BTG4: variants seen among roughly 807,000 people sequenced by gnomAD.
BTG4 encodes the protein protein BTG4.
Under a neutral mutation model 19.3 loss-of-function variants are expected in BTG4, and 10 were observed. The observed-to-expected ratio is 0.52, with a 90% CI of 0.32 to 0.88. BTG4 has a LOEUF of 0.88. Ranked by LOEUF, BTG4 falls within the 40% of genes least tolerant of loss-of-function variation. The pLI, the probability that BTG4 is intolerant of heterozygous loss-of-function variation, is 0.04. For missense variants in BTG4, 238 were observed against 281.9 expected (o/e 0.84, Z 1.11); for synonymous variants, 91 against 95.7 (o/e 0.95, Z 0.29).
the BTG4 span, among the ~76,000 whole-genome samples, chr11:111,437,930 A>G: frequency 1.3e-5 from 2 of 151,854 alleles, no homozygotes; most frequent in Non-Finnish European, 2.9e-5. Flanking sequence ...CTCATCCTCA[A>G]CCCAGATCTG....
chr11:111,442,028 C>T, the BTG4 span, among the ~76,000 whole-genome samples: 134 of 152,026 alleles, frequency 8.8e-4, no homozygotes, highest in Non-Finnish European at 1.4e-3. Context: ...CAGTGTACTC[C>T]AGCCTGGGTG....
the BTG4 span, chr11:111,385,566 A>G: frequency 1.1e-4 from 17 of 152,106 alleles, no homozygotes; most frequent in East Asian, 3.3e-3. Context: ...CTAATACATC[A>G]TGATATAATA....
chr11:111,467,962 A>C (rs1863819676), intron 5 of BTG4, among the ~76,000 whole-genome samples: 1 of 152,232 alleles, frequency 6.6e-6, no homozygotes, highest in Admixed American at 6.5e-5. Flanking sequence ...AGCTTCAGAA[A>C]ATCCTGGACA....
intron 1 of BTG4, among the ~76,000 whole-genome samples, chr11:111,509,423 C>T (rs567204151): frequency 6.6e-6 from 1 of 152,192 alleles, no homozygotes; most frequent in South Asian, 2.1e-4. Context: ...GGTGCAGTGG[C>T]TCACTCCTGT....
the BTG4 span, among the ~76,000 whole-genome samples, chr11:111,387,068 T>C: frequency 1.3e-5 from 2 of 152,370 alleles, no homozygotes; most frequent in South Asian, 4.1e-4. Flanking sequence ...AACTGTTGCA[T>C]TGATAGGCTA....
intron 1 of BTG4, among the ~76,000 whole-genome samples, chr11:111,507,523 T>C (rs1866541490): frequency 6.6e-6 from 1 of 152,178 alleles, no homozygotes; most frequent in Non-Finnish European, 1.5e-5. Flanking sequence ...AATAAAGCCC[T>C]GGACAAAAAA....
At chr11:111,423,095 C>G in the BTG4 span, among the ~76,000 whole-genome samples, 2 of 152,144 alleles carry the variant, frequency 1.3e-5, no homozygotes, top group African/African-American at 4.8e-5. Flanking sequence ...CCTCAGGTTC[C>G]TCCTGCAGAA....
chr11:111,427,873 A>AT, the BTG4 span, among the ~76,000 whole-genome samples: 1 of 152,182 alleles, frequency 6.6e-6, no homozygotes, highest in Non-Finnish European at 1.5e-5. Flanking sequence ...ATGACAATAG[A>AT]GTGACAGAGG....
the BTG4 span, among the ~76,000 whole-genome samples, chr11:111,407,617 G>A: frequency 2.0e-5 from 3 of 152,232 alleles, no homozygotes; most frequent in Non-Finnish European, 4.4e-5. Flanking sequence ...GTTGCAGTGA[G>A]CTGAGATCGC....
intron 5 of BTG4, among the ~76,000 whole-genome samples, chr11:111,470,505 C>G (rs897168020): frequency 6.6e-6 from 1 of 152,164 alleles, no homozygotes; most frequent in Non-Finnish European, 1.5e-5. Flanking sequence ...TAAGCAGAAT[C>G]CCATCTGTAA....
the BTG4 span, among the ~76,000 whole-genome samples, chr11:111,394,482 T>C: frequency 6.6e-6 from 1 of 152,232 alleles, no homozygotes; most frequent in African/African-American, 2.4e-5. Context: ...TCTGCCGTCA[T>C]GTAAGACATG....
downstream of BTG4, among the ~76,000 whole-genome samples, chr11:111,464,400 G>A (rs988047921): frequency 5.3e-5 from 8 of 152,218 alleles, no homozygotes; most frequent in Non-Finnish European, 1.2e-4. Flanking sequence ...TGCAAGGGGA[G>A]GGAATCACAC....
chr11:111,409,421 G>T, the BTG4 span, among the ~76,000 whole-genome samples: 2 of 152,098 alleles, frequency 1.3e-5, no homozygotes, highest in African/African-American at 2.4e-5. Flanking sequence ...GAAATGGATT[G>T]GTTCTTGGGA....
At chr11:111,389,038 G>C in the BTG4 span, among the ~76,000 whole-genome samples, 2 of 152,170 alleles carry the variant, frequency 1.3e-5, no homozygotes, top group Non-Finnish European at 1.5e-5. Flanking sequence ...TTACAATAAA[G>C]CCAAAGTCCA....
intron 5 of BTG4, among the ~76,000 whole-genome samples, chr11:111,488,046 T>G (rs1265247771): frequency 2.0e-5 from 3 of 152,154 alleles, no homozygotes; most frequent in African/African-American, 7.2e-5. Flanking sequence ...AGTCTACAGA[T>G]TCAATGCAAT....
chr11:111,413,720 G>A, the BTG4 span, among the ~76,000 whole-genome samples: 1 of 152,258 alleles, frequency 6.6e-6, no homozygotes, highest in African/African-American at 2.4e-5. Context: ...CTGAAGGGTA[G>A]AAGCAGGGGA....
the BTG4 span, chr11:111,414,406 C>T: frequency 2.0e-5 from 3 of 152,174 alleles, no homozygotes; most frequent in African/African-American, 4.8e-5. Context: ...GTCCCTTCCT[C>T]GCCCAGTTGA....
downstream of BTG4, among the ~76,000 whole-genome samples, chr11:111,490,710 A>C (rs148875839): frequency 3.2e-4 from 49 of 152,356 alleles, no homozygotes; most frequent in East Asian, 8.1e-3. Flanking sequence ...AACCATACTA[A>C]GATACCCTAC....
chr11:111,443,445 G>C, the BTG4 span, among the ~76,000 whole-genome samples: 1 of 152,216 alleles, frequency 6.6e-6, no homozygotes, highest in Non-Finnish European at 1.5e-5. Flanking sequence ...CAGTTAATAA[G>C]AGAAGAAGCT....
Sources: allele counts gnomAD v4.1 joint callset (sites outside exome capture counted in the v4.1 genomes callset), GRCh38; gene constraint gnomAD v4.1.1; transcripts MANE v1.5; gene names NCBI Gene and HGNC (gene_info 2026-07-23, HGNC 2026-07-21).